Variants in AKAP13 observed in about 807,000 individuals in gnomAD.
AKAP13 encodes A-kinase anchor protein 13.
A neutral mutation model predicts 264.5 loss-of-function variants in AKAP13; 80 were observed. That is an observed-to-expected ratio of 0.30 (90% confidence interval 0.25 to 0.36). The LOEUF (loss-of-function observed/expected upper bound fraction) is 0.36, where lower values mean the gene tolerates loss of function less well. Ranked by LOEUF, AKAP13 falls within the 10% of genes least tolerant of loss-of-function variation. AKAP13 has a pLI of 1.00. For synonymous variants in AKAP13, 1,380 were observed against 1,250.2 expected (o/e 1.10, Z -2.19); for missense variants, 3,712 against 3,435.2 (o/e 1.08, Z -2.01).
chr15:85,633,113 G>C (rs1040256974), intron 8 of AKAP13, among the ~76,000 whole-genome samples: 2 of 152,164 alleles, frequency 1.3e-5, no homozygotes, highest in Middle Eastern at 3.2e-3. Flanking sequence ...TGATCCGCCT[G>C]CCTCGGCCTC....
At position 85,579,749 on chromosome 15, in the gene AKAP13, T is replaced by G. The variant is rs1596591481; in HGVS notation, c.1681T>G (p.Ser561Ala). 1 of 1,614,154 alleles carries G rather than the reference T, an allele frequency of 6.2e-7. No individual in the cohort carries two copies. The highest frequency in any genetic ancestry group is 8.5e-7 in the Non-Finnish European group (1 of 1,180,028). Residue 561 changes from serine (S) to alanine (A), a missense_variant, in exon 7 of 37, where the codon TCC becomes GCC. Ser to Ala is a moderately conservative substitution (Grantham distance 99, BLOSUM62 1). Transcript: ENST00000394518. ...SSLAFSNEET[S>A]TEKTAETETS... Reference sequence around the variant, plus strand: ...ACTTGCATTTAGTAATGAAGAAACCTCCACTGAAAAAACAGCAGAAACGGA... The same window carrying G: ...ACTTGCATTTAGTAATGAAGAAACCGCCACTGAAAAAACAGCAGAAACGGA...
chr15:85,433,227 C>G (rs753820817), intron 1 of AKAP13, among the ~76,000 whole-genome samples: 3 of 150,936 alleles, frequency 2.0e-5, no homozygotes, highest in Non-Finnish European at 4.4e-5. Context: ...CAGCAACGTC[C>G]CCCCTCCAAA....
intron 2 of AKAP13, among the ~76,000 whole-genome samples, chr15:85,507,914 A>G (rs907318138): frequency 1.3e-5 from 2 of 152,194 alleles, no homozygotes; most frequent in African/African-American, 2.4e-5. Context: ...AGACTTGCCC[A>G]TGAGGGCGTG....
chr15:85,563,536 T>C (rs1415083670), intron 5 of AKAP13, among the ~76,000 whole-genome samples: 1 of 152,126 alleles, frequency 6.6e-6, no homozygotes, highest in African/African-American at 2.4e-5. Flanking sequence ...AAAAAATTTT[T>C]CTCTTAAAGA....
At chr15:85,610,840 G>A (rs533830254) in intron 8 of AKAP13, among the ~76,000 whole-genome samples, 27 of 152,272 alleles carry the variant, frequency 1.8e-4, no homozygotes, top group Middle Eastern at 3.4e-3. Context: ...TTAGCCGGGC[G>A]TGGTGGCAGG....
At position 85,745,378 on chromosome 15, in the gene AKAP13, G is replaced by A. The variant is rs115302970; in HGVS notation, c.*701G>A. On this transcript the variant is annotated 3_prime_UTR_variant, in exon 37 of 37. Transcript: ENST00000394518. Reference sequence around the variant, plus strand: ...GCTTGATGTGTATAAAAGACGTGATGTGCACCACCTCGATCTCGGTGTTTC... The same window carrying A: ...GCTTGATGTGTATAAAAGACGTGATATGCACCACCTCGATCTCGGTGTTTC... 40 of 152,204 alleles carry A rather than the reference G, an allele frequency of 2.6e-4. No individual in the cohort carries two copies. Among genetic ancestry groups the A allele is most frequent in the African/African-American group, 9.4e-4 (39 of 41,520 alleles). The allele number at this position is 152,204 out of a possible 1,614,324, so 9.4% of individuals were successfully genotyped here.
chr15:85,649,069 T>G (rs1367567945), intron 10 of AKAP13, among the ~76,000 whole-genome samples: 1 of 152,116 alleles, frequency 6.6e-6, no homozygotes, highest in Non-Finnish European at 1.5e-5. Context: ...AAGGGCTGAC[T>G]TACAAAAAGG....
intron 17 of AKAP13, chr15:85,702,673 T>G (rs2086002941): frequency 6.6e-6 from 1 of 152,194 alleles, no homozygotes; most frequent in African/African-American, 2.4e-5. Context: ...GTTAGAAAGA[T>G]CAGCCATATA....
intron 4 of AKAP13, among the ~76,000 whole-genome samples, chr15:85,541,784 A>G (rs746600384): frequency 4.6e-5 from 7 of 152,230 alleles, no homozygotes; most frequent in Non-Finnish European, 8.8e-5. Flanking sequence ...GGTGCATAGC[A>G]CTACATTGTT....
chr15:85,439,974 A>AAAT (rs562499747), intron 1 of AKAP13, among the ~76,000 whole-genome samples: 20,792 of 143,328 alleles, frequency 0.15, 1,842 homozygotes, highest in Non-Finnish European at 0.22. Context: ...GTATAATAAA[A>AAAT]AATAATAATA....
In AKAP13 at chr15:85,708,181, G is replaced by T; in HGVS notation, c.5532+95G>T. 1 of 1,217,854 alleles carries T rather than the reference G, an allele frequency of 8.2e-7. No homozygotes were observed. The highest frequency in any genetic ancestry group is 1.2e-6 in the Non-Finnish European group (1 of 869,328). 75.4% of individuals were successfully genotyped at this position (1,217,854 alleles called of 1,614,324 possible). A position where few individuals can be genotyped will look rare whatever the true frequency, so the allele number is the denominator to read the frequency against. Reference sequence around the variant, plus strand: ...GAGAGTTGAGGTTGTGGTGGATTTTGTTTATTTTAATCATTTGGTACCAAC... The same window carrying T: ...GAGAGTTGAGGTTGTGGTGGATTTTTTTTATTTTAATCATTTGGTACCAAC... On this transcript the variant is annotated intron_variant, in intron 18 of 36. Transcript: ENST00000394518. The surrounding 1 kb of genome is among the most constrained non-coding windows in gnomAD (Gnocchi z 4.3).
At chr15:85,643,821 G>A (rs964086116) in intron 9 of AKAP13, among the ~76,000 whole-genome samples, 2 of 152,174 alleles carry the variant, frequency 1.3e-5, no homozygotes, top group African/African-American at 2.4e-5. Context: ...CAAGCTGTAT[G>A]TATCTCAGAC....
At chr15:85,697,932 C>A (rs576390391) in intron 17 of AKAP13, among the ~76,000 whole-genome samples, 1 of 152,254 alleles carries the variant, frequency 6.6e-6, no homozygotes, top group South Asian at 2.1e-4. Context: ...TGACTGAATT[C>A]TGCAAGCTAC....
At chr15:85,483,042 G>A (rs1282171498) in intron 1 of AKAP13, among the ~76,000 whole-genome samples, 1 of 152,204 alleles carries the variant, frequency 6.6e-6, no homozygotes, top group Non-Finnish European at 1.5e-5. Context: ...ATGTTTAGAG[G>A]AGTTTATAAT....
intron 33 of AKAP13, 96 bp downstream of exon 33, chr15:85,736,230 T>C: frequency 9.5e-7 from 1 of 1,056,170 alleles, no homozygotes; most frequent in South Asian, 1.4e-5. Context: ...CTTTTTGCTG[T>C]TACAAAGAGG....
chr15:85,556,042 G>T (rs779986475), intron 5 of AKAP13, among the ~76,000 whole-genome samples: 2 of 152,140 alleles, frequency 1.3e-5, no homozygotes, highest in Non-Finnish European at 2.9e-5. Context: ...GGTAGGTTTC[G>T]TTGTGGGTAG....
chr15:85,579,207 G>C lies in AKAP13; in HGVS notation c.1139G>C (p.Gly380Ala), dbSNP rs115984398. 1.7e-4 allele frequency: 274 copies of C among 1,614,224 alleles called. 4 individuals carry two copies. In the East Asian group the frequency reaches 4.5e-3, roughly 27 times the overall value. ...AAAAATAAAGGCGTGGAAAGAAAAG[G>C]GGAAGAGGTGGAGCCAGCACCTATT... is the stretch of plus-strand genomic sequence containing the variant. Reference protein sequence around the residue: ...RKKNKGVERKGEEVEPAPIVD... With the variant: ...RKKNKGVERKAEEVEPAPIVD... The change falls in exon 7 of 37, where the codon GGG (glycine) becomes GCG (alanine). Residue 380 changes from glycine (G) to alanine (A), a missense_variant. Coordinates refer to ENST00000394518, the MANE Select transcript of AKAP13 (RefSeq NM_007200.5).
chr15:85,433,047 TA>T lies in AKAP13; in HGVS notation c.-12+52253del, dbSNP rs769934896. ...CTTACATGGTTTTAAAAATAGTTTT[TA>T]AAATATTAAATCATATACCATTATT... On this transcript the variant is annotated intron_variant, in intron 1 of 36. Transcript: ENST00000394518. Among the ~76,000 whole-genome samples, 22 of 152,030 alleles carry T rather than the reference TA, an allele frequency of 1.4e-4. No individual in the cohort carries two copies. The East Asian group carries it at 3.7e-3, about 25-fold the overall frequency.
At position 85,492,369 on chromosome 15, in the gene AKAP13, G is replaced by A. The variant is rs1039149326; in HGVS notation, c.33+6616G>A. On this transcript the variant is annotated intron_variant, in intron 2 of 36. Transcript: ENST00000394518. Reference sequence around the variant, plus strand: ...TGCACTATAGCCTGGGCTACAGAGCGAGACCCCATCTCAAAAAACAAAACA... The same window carrying A: ...TGCACTATAGCCTGGGCTACAGAGCAAGACCCCATCTCAAAAAACAAAACA... Among the ~76,000 whole-genome samples, 7 of 152,282 alleles carry A rather than the reference G, an allele frequency of 4.6e-5. 1 individual carries two copies. Among genetic ancestry groups the A allele is most frequent in the Admixed American group, 2.0e-4 (3 of 15,298 alleles).
Sources: allele counts gnomAD v4.1 joint callset (sites outside exome capture counted in the v4.1 genomes callset), GRCh38; gene constraint gnomAD v4.1.1; non-coding constraint Gnocchi (gnomAD v3.1); transcripts MANE v1.5; gene names NCBI Gene and HGNC (gene_info 2026-07-23, HGNC 2026-07-21).